The following DNAH12 variants were observed in gnomAD, a reference collection of about 807,000 sequenced individuals.
The protein encoded by DNAH12 is axonemal beta dynein heavy chain 12.
Under a neutral mutation model 371.5 loss-of-function variants are expected in DNAH12, and 285 were observed. The ratio of observed to expected loss-of-function variants is 0.77; its 90% CI spans 0.70 to 0.85. The LOEUF (loss-of-function observed/expected upper bound fraction) is 0.85, where lower values mean the gene tolerates loss of function less well. DNAH12 is among the 40% of genes least tolerant of loss of function. The probability of loss-of-function intolerance (pLI) is 0.00; values close to 1 mark genes in which losing one functional copy is unlikely to be tolerated. For missense variants in DNAH12, 3,611 were observed against 3,689.4 expected (o/e 0.98, Z 0.55); for synonymous variants, 1,200 against 1,213.0 (o/e 0.99, Z 0.22).
intron 11 of DNAH12, among the ~76,000 whole-genome samples, chr3:57,499,094 G>A (rs6779674): frequency 0.67 from 101,671 of 151,928 alleles, 34,248 homozygotes; most frequent in South Asian, 0.75. Flanking sequence ...CTTTATGCTA[G>A]TAAAAGAAAT....
At chr3:57,354,974 G>T (rs971976581) in intron 59 of DNAH12, among the ~76,000 whole-genome samples, 4 of 152,154 alleles carry the variant, frequency 2.6e-5, no homozygotes, top group Non-Finnish European at 5.9e-5. Context: ...TACGGAAGGG[G>T]TAAGGATGGG....
At chr3:57,499,059 A>C (rs553827305) in intron 11 of DNAH12, among the ~76,000 whole-genome samples, 1 of 152,152 alleles carries the variant, frequency 6.6e-6, no homozygotes, top group Non-Finnish European at 1.5e-5. Flanking sequence ...TAAACTACTG[A>C]CACAAAACAA....
At chr3:57,309,374 A>G (rs1385833717) in intron 68 of DNAH12, 120 bp from the exon 69 acceptor site, 2 of 808,834 alleles carry the variant, frequency 2.5e-6, no homozygotes, top group Admixed American at 3.0e-5. Flanking sequence ...CATAACGTAC[A>G]GTAATGTATA....
Position 57,404,978 on chromosome 3 carries a change from ACAAGATT to A in DNAH12, c.6739_6745del (p.Asn2247SerfsTer17). On this transcript the variant is annotated frameshift_variant, in exon 42 of 74. Coordinates refer to ENST00000495027, the MANE Select transcript of DNAH12 (RefSeq NM_001366028.2). LOFTEE classifies it high-confidence loss of function. ...CACCATATATAGGTACCTAAAAATG[ACAAGATT>A]CATTCTTGTTTTGTGTGTTTGATTA... is the stretch of plus-strand genomic sequence containing the variant. 1 of 1,513,524 alleles carries A rather than the reference ACAAGATT, an allele frequency of 6.6e-7. No individual in the cohort carries two copies. Among genetic ancestry groups the A allele is most frequent in the Non-Finnish European group, 8.8e-7 (1 of 1,135,312 alleles). The allele number at this position is 1,513,524 out of a possible 1,614,324, so 93.8% of individuals were successfully genotyped here.
intron 4 of DNAH12, among the ~76,000 whole-genome samples, chr3:57,515,647 A>G (rs1025245521): frequency 1.3e-5 from 2 of 152,014 alleles, no homozygotes; most frequent in Non-Finnish European, 2.9e-5. Flanking sequence ...AATACATTAT[A>G]ACTTAATAGT....
rs1366700509 is a variant in DNAH12, at chr3:57,502,923, G to A, written c.1087-444C>T. ...TCGAACTCCTGAGCTCAGGCAATCC[G>A]CCCGCCTCATCCTCCCAAAGTGTTA... On this transcript the variant is annotated intron_variant, in intron 9 of 73. Transcript: ENST00000495027. Among the ~76,000 whole-genome samples the A allele has an allele frequency of 3.3e-5, 5 of 151,922 alleles. No homozygotes were observed. The East Asian group carries it at 5.8e-4, about 18-fold the overall frequency.
intron 58 of DNAH12, among the ~76,000 whole-genome samples, chr3:57,361,411 T>TAC (rs1180071289): frequency 7.1e-6 from 1 of 139,946 alleles, no homozygotes; most frequent in Non-Finnish European, 1.5e-5. Context: ...TATATATATA[T>TAC]ACACACACAC....
intron 43 of DNAH12, among the ~76,000 whole-genome samples, chr3:57,399,836 ATTTT>A (rs2063820518): frequency 6.6e-6 from 1 of 152,278 alleles, no homozygotes; most frequent in South Asian, 2.1e-4. Context: ...CTTCCTTAGG[ATTTT>A]TTAAGTAACA....
In DNAH12 at chr3:57,309,705, A is replaced by G; in HGVS notation, c.11046T>C (p.Asp3682=). 9.1e-6 allele frequency: 14 copies of G among 1,545,282 alleles called. No individual in the cohort carries two copies. Among genetic ancestry groups the G allele is most frequent in the Non-Finnish European group, 1.2e-5 (14 of 1,145,244 alleles). The change falls in exon 68 of 74, where the codon GAT becomes GAC. Residue 3682 remains aspartate (D), a synonymous_variant. Transcript: ENST00000495027. The part of the protein sequence containing the change: ...SKQTGASGST[D]QILLEITKDI... ...CTTTGGTAATTTCTAACAGAATCTG[A>G]TCAGTACTTCCTGAGGCTCCTGTCT...
chr3:57,315,247 T>C (rs1398672246), intron 65 of DNAH12, among the ~76,000 whole-genome samples: 1 of 151,988 alleles, frequency 6.6e-6, no homozygotes, highest in African/African-American at 2.4e-5. Flanking sequence ...TGTATTTTAA[T>C]TTAGAATATT....
chr3:57,488,937 AGTGTGT>A (rs34379970), intron 12 of DNAH12, among the ~76,000 whole-genome samples: 1 of 150,008 alleles, frequency 6.7e-6, no homozygotes, highest in African/African-American at 2.5e-5. Context: ...AGAAATCCAA[AGTGTGT>A]GTGTGTGTGT....
At chr3:57,303,892 A>G (rs2061414369) in intron 69 of DNAH12, among the ~76,000 whole-genome samples, 1 of 152,168 alleles carries the variant, frequency 6.6e-6, no homozygotes, top group African/African-American at 2.4e-5. Context: ...AAGAATCACA[A>G]AAGAAGTGAA....
chr3:57,516,925 G>A (rs2068222037), intron 4 of DNAH12, among the ~76,000 whole-genome samples: 2 of 152,052 alleles, frequency 1.3e-5, no homozygotes, highest in Non-Finnish European at 2.9e-5. Flanking sequence ...CTCATCTCTG[G>A]CTCCTGACCC....
At chr3:57,504,885 T>C (rs1286504899) in intron 8 of DNAH12, among the ~76,000 whole-genome samples, 1 of 152,108 alleles carries the variant, frequency 6.6e-6, no homozygotes, top group Non-Finnish European at 1.5e-5. Context: ...TTCTTTTTTC[T>C]TTTTGTTTGT....
chr3:57,310,606 G>T, intron 67 of DNAH12, 111 bp downstream of exon 67: 1 of 752,906 alleles, frequency 1.3e-6, no homozygotes, highest in Non-Finnish European at 2.1e-6. Context: ...ATTAAAAGTT[G>T]ATTAAAACCA....
chr3:57,497,081 C>T (rs1183487377), intron 11 of DNAH12, among the ~76,000 whole-genome samples: 2 of 152,116 alleles, frequency 1.3e-5, no homozygotes, highest in African/African-American at 2.4e-5. Flanking sequence ...AACTACATTG[C>T]TGAGCGAAAT....
intron 45 of DNAH12, among the ~76,000 whole-genome samples, chr3:57,389,773 T>C (rs1373338024): frequency 6.8e-6 from 1 of 147,522 alleles, no homozygotes; most frequent in Non-Finnish European, 1.5e-5. Context: ...AGCATACATA[T>C]ATACATATAA....
In DNAH12 at chr3:57,446,260, C is replaced by A; in HGVS notation, c.3950G>T (p.Gly1317Val). ...AGCCCAAGCACCAGAAGAAGCCAGT[C>A]CTTTAAAAAACTAAGGACAAAGAAA... ...DYLAMGKFFK[G>V]LASSGAWACF... Residue 1317 changes from glycine to valine, a missense_variant, in exon 27 of 74, where the codon GGA (glycine) becomes GTA (valine). Coordinates refer to ENST00000495027, the MANE Select transcript of DNAH12 (RefSeq NM_001366028.2). 6.4e-7 allele frequency: 1 copy of A among 1,550,402 alleles called. No individual in the cohort carries two copies. The highest frequency in any genetic ancestry group is 8.7e-7 in the Non-Finnish European group (1 of 1,146,460).
intron 60 of DNAH12, among the ~76,000 whole-genome samples, chr3:57,336,316 G>C (rs1339107978): frequency 6.6e-6 from 1 of 152,134 alleles, no homozygotes. Flanking sequence ...ATGTGAAAGA[G>C]ATAATTTAAC....
Sources: gnomAD v4.1 joint callset for allele counts (sites outside exome capture counted in the v4.1 genomes callset) on GRCh38, gnomAD v4.1.1 for gene constraint, MANE v1.5 for transcripts, NCBI Gene and HGNC (gene_info 2026-07-23, HGNC 2026-07-21) for gene names.